The following CNTNAP2 variants were observed in gnomAD, a reference collection of about 807,000 sequenced individuals.
The protein encoded by CNTNAP2 is contactin associated protein 2, also known as contactin-associated protein-like 2.
Under a neutral mutation model 155.2 loss-of-function variants are expected in CNTNAP2, and 98 were observed. The ratio of observed to expected loss-of-function variants is 0.63; its 90% confidence interval spans 0.54 to 0.75. The LOEUF is 0.75. Ranked by LOEUF, CNTNAP2 falls within the 30% of genes least tolerant of loss-of-function variation. The probability of loss-of-function intolerance (pLI) is 0.00; values close to 1 mark genes in which losing one functional copy is unlikely to be tolerated. For missense variants in CNTNAP2, 1,727 were observed against 1,688.1 expected, an observed-to-expected ratio of 1.02 and a Z score of -0.40; for synonymous variants, 651 against 631.2, an observed-to-expected ratio of 1.03 and a Z score of -0.47.
At chr7:147,399,276 C>G (rs1429128725) in intron 10 of CNTNAP2, among the ~76,000 whole-genome samples, 1 of 152,114 alleles carries the variant, frequency 6.6e-6, no homozygotes, top group Non-Finnish European at 1.5e-5. Context: ...AATAGAGCAA[C>G]ATGATGTACT....
intron 9 of CNTNAP2, among the ~76,000 whole-genome samples, chr7:147,387,287 C>A (rs1236742711): frequency 6.6e-6 from 1 of 152,188 alleles, no homozygotes; most frequent in Non-Finnish European, 1.5e-5. Flanking sequence ...ATAATTATAT[C>A]TTCACTTTAG....
intron 21 of CNTNAP2, among the ~76,000 whole-genome samples, chr7:148,322,764 G>GTTTTTT (rs146110131): frequency 7.2e-6 from 1 of 138,028 alleles, no homozygotes; most frequent in African/African-American, 2.7e-5. Context: ...TAAATAAGTA[G>GTTTTTT]TTTTGTTTTG....
intron 12 of CNTNAP2, among the ~76,000 whole-genome samples, chr7:147,612,308 T>C (rs568693751): frequency 2.0e-5 from 3 of 152,298 alleles, no homozygotes; most frequent in Admixed American, 6.5e-5. Flanking sequence ...AGATACATCT[T>C]GCTTTCATAT....
chr7:148,332,433 T>A (rs1798044815), intron 21 of CNTNAP2, among the ~76,000 whole-genome samples: 1 of 152,132 alleles, frequency 6.6e-6, no homozygotes, highest in Non-Finnish European at 1.5e-5. Context: ...AGAGAAAGGA[T>A]CTTGGGCTTG....
At chr7:147,510,417 C>A (rs796322302) in intron 11 of CNTNAP2, among the ~76,000 whole-genome samples, 2 of 152,050 alleles carry the variant, frequency 1.3e-5, no homozygotes, top group African/African-American at 4.8e-5. Context: ...GAGATCCCTG[C>A]AGAATACACT....
chr7:146,657,002 A>G (rs994973443), intron 1 of CNTNAP2, among the ~76,000 whole-genome samples: 1 of 152,188 alleles, frequency 6.6e-6, no homozygotes, highest in African/African-American at 2.4e-5. Context: ...CTCATATGAT[A>G]TCACTTTGCT....
chr7:146,121,419 G>T (rs570789229), intron 1 of CNTNAP2, among the ~76,000 whole-genome samples: 26 of 152,240 alleles, frequency 1.7e-4, no homozygotes, highest in Non-Finnish European at 3.1e-4. Flanking sequence ...AATCAGGAGA[G>T]AATCTAGGCT....
intron 1 of CNTNAP2, among the ~76,000 whole-genome samples, chr7:146,750,513 C>A (rs542909403): frequency 2.0e-5 from 3 of 152,166 alleles, no homozygotes; most frequent in Non-Finnish European, 4.4e-5. Context: ...TGTGGCGGAA[C>A]ACTCACTAGT....
chr7:147,466,518 A>C (rs1798122340), intron 10 of CNTNAP2, among the ~76,000 whole-genome samples: 1 of 152,168 alleles, frequency 6.6e-6, no homozygotes, highest in East Asian at 1.9e-4. Flanking sequence ...AATAGGATCT[A>C]GACACAGGAG....
chr7:147,285,361 C>G (rs2116734311), intron 8 of CNTNAP2, among the ~76,000 whole-genome samples: 1 of 151,892 alleles, frequency 6.6e-6, no homozygotes, highest in Middle Eastern at 3.4e-3. Context: ...TAATGAAAGC[C>G]ACTAAAATTC....
At position 147,121,130 on chromosome 7, in the gene CNTNAP2, T is replaced by C. The variant is rs2129282739; in HGVS notation, c.906T>C (p.Asn302=). 2 of 1,614,168 alleles carry C rather than the reference T, an allele frequency of 1.2e-6. No individual in the cohort carries two copies. Among genetic ancestry groups the C allele is most frequent in the South Asian group, 2.2e-5 (2 of 91,086 alleles). ...LDRSMQHFRT[N]GEFDYLDLDY... ...GGAGCATGCAGCACTTCCGTACCAA[T>C]GGAGAGTTTGACTACCTGGACTTGG... Residue 302 remains asparagine, a synonymous_variant, in exon 6 of 24, where the codon AAT becomes AAC. Coordinates refer to ENST00000361727, the MANE Select transcript of CNTNAP2 (RefSeq NM_014141.6).
At position 148,208,357 on chromosome 7, in the gene CNTNAP2, A is replaced by G. The variant is rs1362738266; in HGVS notation, c.3011-8931A>G. ...TGTGAAGCTTGAGTTTGGGTTTCCC[A>G]TGAAAGAACAAGGCGGAGTTTCCCT... On this transcript the variant is annotated intron_variant, in intron 18 of 23. Transcript: ENST00000361727. Among the ~76,000 whole-genome samples, 3 of 152,202 alleles carry G rather than the reference A, an allele frequency of 2.0e-5. No individual in the cohort carries two copies. In the East Asian group the frequency reaches 5.8e-4, roughly 29 times the overall value.
At chr7:147,644,719 C>G (rs1795338241) in intron 13 of CNTNAP2, among the ~76,000 whole-genome samples, 2 of 152,162 alleles carry the variant, frequency 1.3e-5, no homozygotes, top group Admixed American at 6.5e-5. Flanking sequence ...GTCAACAATA[C>G]TAATACTTTT....
intron 1 of CNTNAP2, among the ~76,000 whole-genome samples, chr7:146,770,193 T>C (rs753607957): frequency 6.6e-6 from 1 of 152,224 alleles, no homozygotes; most frequent in Non-Finnish European, 1.5e-5. Context: ...TAATTACTTT[T>C]TGTGGATTCA....
At position 148,383,882 on chromosome 7, in the gene CNTNAP2, G is replaced by A. The variant is rs796052386; in HGVS notation, c.3709G>A (p.Asp1237Asn). 6.2e-7 allele frequency: 1 copy of A among 1,613,500 alleles called. No individual in the cohort carries two copies. The highest frequency in any genetic ancestry group is 1.7e-5 in the Admixed American group (1 of 59,978). The change falls in exon 22 of 24, where the codon GAT (aspartate) becomes AAT (asparagine). Residue 1237 changes from aspartate to asparagine, a missense_variant. Asp to Asn is a conservative substitution (Grantham distance 23). Coordinates refer to ENST00000361727, the MANE Select transcript of CNTNAP2 (RefSeq NM_014141.6). ...CGACCCCTGGCACCTGGATCACCTG[G>A]ATTCAGGTAAAGTCTTCAGCAACCT... ...ATDPWHLDHL[D>N]SASADFPYNP...
At chr7:147,543,885 C>G (rs1389340421) in intron 11 of CNTNAP2, among the ~76,000 whole-genome samples, 1 of 152,182 alleles carries the variant, frequency 6.6e-6, no homozygotes, top group Non-Finnish European at 1.5e-5. Flanking sequence ...AACCTCTTGT[C>G]TTCCCATTCT....
chr7:147,716,257 G>T (rs1280425955), intron 13 of CNTNAP2, among the ~76,000 whole-genome samples: 1 of 152,172 alleles, frequency 6.6e-6, no homozygotes, highest in Non-Finnish European at 1.5e-5. Context: ...TATCGAGGAT[G>T]CAGACACACA....
At chr7:148,316,023 C>T (rs1797681098) in intron 21 of CNTNAP2, among the ~76,000 whole-genome samples, 1 of 152,046 alleles carries the variant, frequency 6.6e-6, no homozygotes, top group Non-Finnish European at 1.5e-5. Flanking sequence ...CCTGAGCATC[C>T]TTCTTAAGTC....
chr7:148,301,005 G>A (rs1341168211), intron 21 of CNTNAP2, among the ~76,000 whole-genome samples: 2 of 152,018 alleles, frequency 1.3e-5, no homozygotes, highest in Admixed American at 6.6e-5. Flanking sequence ...TTAAAAGTAG[G>A]TTAAAATGGG....
Sources: allele counts gnomAD v4.1 joint callset (sites outside exome capture counted in the v4.1 genomes callset), GRCh38; gene constraint gnomAD v4.1.1; transcripts MANE v1.5; gene names NCBI Gene and HGNC (gene_info 2026-07-23, HGNC 2026-07-21).